Variants in LRRC4C observed in about 807,000 individuals in gnomAD.
LRRC4C encodes the protein leucine rich repeat containing 4C.
LRRC4C carries 5 observed loss-of-function variants against 33.6 expected under a neutral mutation model. The observed-to-expected ratio is 0.15, with a 90% CI of 0.08 to 0.31. The LOEUF (loss-of-function observed/expected upper bound fraction) is 0.31. Ranked by LOEUF, LRRC4C falls within the 10% of genes least tolerant of loss-of-function variation. The pLI is 1.00. For synonymous variants in LRRC4C, 329 were observed against 302.0 expected (o/e 1.09, Z -0.93); for missense variants, 560 against 796.7 (o/e 0.70, Z 3.58).
chr11:40,554,853 C>T (rs2135468018), intron 3 of LRRC4C, among the ~76,000 whole-genome samples: 1 of 146,982 alleles, frequency 6.8e-6, no homozygotes, highest in African/African-American at 2.6e-5. Flanking sequence ...TCCCGAGTAG[C>T]TGGGACTACA....
chr11:40,973,772 C>A (rs1851894667), intron 1 of LRRC4C, among the ~76,000 whole-genome samples: 1 of 151,780 alleles, frequency 6.6e-6, no homozygotes, highest in Admixed American at 6.6e-5. Context: ...TTAATTTAGA[C>A]AATATGTTGG....
chr11:41,264,347 C>T (rs1949081614), intron 1 of LRRC4C, among the ~76,000 whole-genome samples: 1 of 152,042 alleles, frequency 6.6e-6, no homozygotes, highest in Middle Eastern at 3.2e-3. Context: ...GCCTCGGACT[C>T]CCAAAATGCT....
At chr11:40,965,390 A>G (rs973589795) in intron 1 of LRRC4C, among the ~76,000 whole-genome samples, 4 of 151,994 alleles carry the variant, frequency 2.6e-5, no homozygotes, top group Non-Finnish European at 4.4e-5. Flanking sequence ...CCATTTGTCA[A>G]TTTTGGCTTT....
intron 3 of LRRC4C, among the ~76,000 whole-genome samples, chr11:40,589,625 C>T (rs1958938571): frequency 6.6e-6 from 1 of 152,010 alleles, no homozygotes; most frequent in Non-Finnish European, 1.5e-5. Flanking sequence ...CCAGTTGTTC[C>T]TTTCCACGTT....
At chr11:40,822,152 C>A (rs1344616386) in intron 2 of LRRC4C, among the ~76,000 whole-genome samples, 2 of 151,654 alleles carry the variant, frequency 1.3e-5, no homozygotes, top group African/African-American at 2.4e-5. Flanking sequence ...AATCTTCACC[C>A]CACAACTAAA....
intron 4 of LRRC4C, among the ~76,000 whole-genome samples, chr11:40,285,454 G>T (rs1339550725): frequency 6.6e-6 from 1 of 152,128 alleles, no homozygotes. Context: ...ACCTCATCTG[G>T]TTTACAGCAC....
intron 1 of LRRC4C, among the ~76,000 whole-genome samples, chr11:40,986,884 T>A (rs1366723330): frequency 6.6e-6 from 1 of 152,168 alleles, no homozygotes; most frequent in Admixed American, 6.5e-5. Context: ...ACAATCCGAA[T>A]GAGAAAGCTG....
At chr11:40,890,312 A>G (rs1194369638) in intron 2 of LRRC4C, among the ~76,000 whole-genome samples, 1 of 152,162 alleles carries the variant, frequency 6.6e-6, no homozygotes, top group African/African-American at 2.4e-5. Context: ...CTTTCTTGCT[A>G]GTGGAAGGTT....
intron 2 of LRRC4C, among the ~76,000 whole-genome samples, chr11:40,832,432 T>A (rs760346333): frequency 1.3e-5 from 2 of 152,156 alleles, no homozygotes; most frequent in Admixed American, 6.6e-5. Context: ...CAGACTCTGA[T>A]CTAGATATTG....
intron 1 of LRRC4C, among the ~76,000 whole-genome samples, chr11:41,354,104 T>C (rs1952076577): frequency 6.6e-6 from 1 of 152,152 alleles, no homozygotes; most frequent in Non-Finnish European, 1.5e-5. Flanking sequence ...TTGCAGACGA[T>C]ATAATTCTAT....
intron 1 of LRRC4C, among the ~76,000 whole-genome samples, chr11:41,123,551 C>T (rs1477334318): frequency 1.3e-5 from 2 of 151,906 alleles, no homozygotes; most frequent in Non-Finnish European, 2.9e-5. Context: ...GGATTACAGG[C>T]GTGAGCCACC....
chr11:40,265,472 T>C (rs1054418065), intron 4 of LRRC4C, among the ~76,000 whole-genome samples: 14 of 152,254 alleles, frequency 9.2e-5, no homozygotes, highest in African/African-American at 3.4e-4. Flanking sequence ...ATAGTCTAAA[T>C]ATTCCATTAT....
At chr11:40,796,872 C>G (rs1950854035) in intron 2 of LRRC4C, among the ~76,000 whole-genome samples, 1 of 152,024 alleles carries the variant, frequency 6.6e-6, no homozygotes, top group Admixed American at 6.5e-5. Context: ...GTCTTGAACA[C>G]CTGACCTTAA....
At chr11:40,815,954 G>A (rs1367248700) in intron 2 of LRRC4C, among the ~76,000 whole-genome samples, 1 of 152,146 alleles carries the variant, frequency 6.6e-6, no homozygotes, top group Non-Finnish European at 1.5e-5. Flanking sequence ...TATACATGTA[G>A]TCAAAATTAT....
intron 3 of LRRC4C, among the ~76,000 whole-genome samples, chr11:40,459,166 T>C (rs1952272772): frequency 6.6e-6 from 1 of 152,212 alleles, no homozygotes; most frequent in Admixed American, 6.5e-5. Context: ...TACACAATCA[T>C]TGACTTCTAT....
At chr11:40,928,565 T>C (rs891134812) in intron 2 of LRRC4C, among the ~76,000 whole-genome samples, 1 of 152,180 alleles carries the variant, frequency 6.6e-6, no homozygotes, top group East Asian at 1.9e-4. Flanking sequence ...ATTGAATATT[T>C]ACTCTGTGGC....
At chr11:40,269,240 G>C (rs77852822) in intron 4 of LRRC4C, among the ~76,000 whole-genome samples, 2 of 152,214 alleles carry the variant, frequency 1.3e-5, no homozygotes, top group East Asian at 1.9e-4. Flanking sequence ...TCTCTATTTA[G>C]CTTAAACAGT....
intron 1 of LRRC4C, among the ~76,000 whole-genome samples, chr11:41,409,829 C>T (rs548026980): frequency 1.3e-5 from 2 of 151,788 alleles, no homozygotes; most frequent in Non-Finnish European, 2.9e-5. Context: ...CAAAAAATTG[C>T]GAAAAAAAAT....
At chr11:40,931,965 A>C (rs1446187265) in intron 2 of LRRC4C, among the ~76,000 whole-genome samples, 2 of 152,138 alleles carry the variant, frequency 1.3e-5, no homozygotes, top group Non-Finnish European at 2.9e-5. Flanking sequence ...GTTGAGAAAT[A>C]AGTTCTTAGC....
Sources: allele counts gnomAD v4.1 joint callset (sites outside exome capture counted in the v4.1 genomes callset), GRCh38; gene constraint gnomAD v4.1.1; transcripts MANE v1.5; gene names NCBI Gene and HGNC (gene_info 2026-07-23, HGNC 2026-07-21).